CDYL: variants seen among roughly 807,000 people sequenced by gnomAD.
CDYL encodes the protein chromodomain Y-like protein.
Under a neutral mutation model 47.3 loss-of-function variants are expected in CDYL, and 8 were observed. That is an observed-to-expected ratio of 0.17 (90% confidence interval 0.10 to 0.31). CDYL has a LOEUF of 0.31. Among genes scored for constraint, CDYL ranks in the 10% least tolerant of loss-of-function variants. The probability of loss-of-function intolerance (pLI) is 1.00; values close to 1 mark genes in which losing one functional copy is unlikely to be tolerated. For synonymous variants in CDYL, 266 were observed against 265.0 expected (o/e 1.00, Z -0.04); for missense variants, 471 against 701.4 (o/e 0.67, Z 3.71).
At chr6:4,817,877 TG>T (rs1481572732) in intron 1 of CDYL, among the ~76,000 whole-genome samples, 1 of 152,238 alleles carries the variant, frequency 6.6e-6, no homozygotes, top group Non-Finnish European at 1.5e-5. Context: ...GTTTAGGCAT[TG>T]GCACTTCTTG....
chr6:4,732,679 G>T (rs1757626957), intron 2 of CDYL, among the ~76,000 whole-genome samples: 1 of 151,332 alleles, frequency 6.6e-6, no homozygotes, highest in African/African-American at 2.4e-5. Flanking sequence ...AAAAAGAGGG[G>T]GGGATTGGGG....
chr6:4,734,613 A>C (rs1236912115), intron 2 of CDYL: 1 of 1,088,344 alleles, frequency 9.2e-7, no homozygotes, highest in East Asian at 2.7e-5. Flanking sequence ...TGAAAAGGAG[A>C]GACCAGTTTC....
chr6:4,819,156 C>G lies in CDYL; in HGVS notation c.24+42349C>G, dbSNP rs1347082581. Among the ~76,000 whole-genome samples, 1,264 of 131,066 alleles carry G rather than the reference C, an allele frequency of 9.6e-3. 34 individuals carry two copies. The highest frequency in any genetic ancestry group is 0.048 in the African/African-American group (1,194 of 25,084). 86.0% of individuals were successfully genotyped at this position (131,066 alleles called of 152,430 possible). A position where few individuals can be genotyped will look rare whatever the true frequency, so the allele number is the denominator to read the frequency against. ...TCTCTCTCTCTCTCTCTCTCTCTCTCTCTCTCTGTGTGTGTGTGTGTGTGT... is the reference window on the plus strand; with the variant it reads ...TCTCTCTCTCTCTCTCTCTCTCTCTGTCTCTCTGTGTGTGTGTGTGTGTGT... On this transcript the variant is annotated intron_variant, in intron 1 of 6. Transcript: ENST00000397588.
intron 1 of CDYL, among the ~76,000 whole-genome samples, chr6:4,816,848 A>G (rs1759691870): frequency 6.6e-6 from 1 of 152,120 alleles, no homozygotes; most frequent in Non-Finnish European, 1.5e-5. Context: ...TAGTGGGGAA[A>G]TGATAATAAG....
At chr6:4,741,260 G>C (rs997341052) in intron 3 of CDYL, among the ~76,000 whole-genome samples, 1 of 151,434 alleles carries the variant, frequency 6.6e-6, no homozygotes, top group African/African-American at 2.4e-5. Flanking sequence ...CCATGGACCA[G>C]ATGTCAAATC....
intron 5 of CDYL, 61 bp from the exon 6 acceptor site, chr6:4,952,205 T>A: frequency 6.4e-7 from 1 of 1,564,534 alleles, no homozygotes; most frequent in Non-Finnish European, 8.7e-7. Context: ...TTTTAAGGGA[T>A]GGGTCTTCCC....
intron 2 of CDYL, among the ~76,000 whole-genome samples, chr6:4,731,106 C>T (rs12203138): frequency 0.32 from 48,230 of 151,940 alleles, 7,736 homozygotes; most frequent in East Asian, 0.42. Context: ...CTGACTAGTG[C>T]GAATACTCCA....
chr6:4,746,362 A>C (rs1368917246), intron 3 of CDYL, among the ~76,000 whole-genome samples: 34 of 72,508 alleles, frequency 4.7e-4, no homozygotes, highest in African/African-American at 4.0e-3. Flanking sequence ...GACTCTCTCA[A>C]AAAAAAAAAA....
upstream of CDYL, chr6:4,773,004 G>A (rs554648985): frequency 1.0e-5 from 4 of 394,004 alleles, no homozygotes; most frequent in African/African-American, 6.2e-5. This position sits in a 1 kb window ranked among gnomAD's most constrained non-coding sequence, Gnocchi z 4.6. Context: ...ATTGGGAAAA[G>A]AGGAGGATCT....
intron 1 of CDYL, among the ~76,000 whole-genome samples, chr6:4,780,398 G>GCC (rs1212971467): frequency 1.4e-3 from 17 of 12,380 alleles, no homozygotes; most frequent in South Asian, 5.4e-3. Flanking sequence ...CCCCGCCTAC[G>GCC]CCCCCCCCCC....
chr6:4,815,769 T>C (rs973741652), intron 1 of CDYL, among the ~76,000 whole-genome samples: 1 of 151,118 alleles, frequency 6.6e-6, no homozygotes, highest in African/African-American at 2.4e-5. Flanking sequence ...TTCCATATTA[T>C]ATTCAGTGGT....
At chr6:4,877,051 C>G (rs934880960) in intron 1 of CDYL, among the ~76,000 whole-genome samples, 3 of 152,202 alleles carry the variant, frequency 2.0e-5, no homozygotes, top group African/African-American at 4.8e-5. Flanking sequence ...TGGGCCCTCG[C>G]CAGACACTGA....
intron 3 of CDYL, among the ~76,000 whole-genome samples, chr6:4,758,876 T>G (rs1376006382): frequency 6.6e-6 from 1 of 151,940 alleles, no homozygotes; most frequent in Non-Finnish European, 1.5e-5. Context: ...ATGTAATATA[T>G]TTACATATTT....
At chr6:4,860,604 ATATAT>A (rs914225734) in intron 1 of CDYL, among the ~76,000 whole-genome samples, 4 of 131,666 alleles carry the variant, frequency 3.0e-5, no homozygotes, top group Non-Finnish European at 6.0e-5. Flanking sequence ...TATATATCAT[ATATAT>A]TATATTTTGT....
At chr6:4,948,150 G>A (rs937507949) in intron 5 of CDYL, among the ~76,000 whole-genome samples, 5 of 152,170 alleles carry the variant, frequency 3.3e-5, no homozygotes, top group Non-Finnish European at 7.4e-5. Context: ...GGAACATCCC[G>A]TGAATCTCAT....
At chr6:4,916,943 C>T (rs1407950226) in intron 2 of CDYL, among the ~76,000 whole-genome samples, 2 of 152,200 alleles carry the variant, frequency 1.3e-5, no homozygotes, top group Non-Finnish European at 2.9e-5. Context: ...GTCCAGAGCA[C>T]CCTGCCCACC....
At chr6:4,777,696 G>A (rs1045293584) in intron 1 of CDYL, among the ~76,000 whole-genome samples, 6 of 152,162 alleles carry the variant, frequency 3.9e-5, no homozygotes, top group Admixed American at 2.6e-4. Context: ...ATGCGTTTAG[G>A]GACCTGGGTG....
Position 4,935,638 on chromosome 6 carries a change from A to G in CDYL, c.815A>G (p.Lys272Arg). ...GACAGAAGAGACCAGCCTTTTGACA[A>G]GCGATTGCGTTTCAGCGTGAGGCAA... is the stretch of plus-strand genomic sequence containing the variant. The part of the protein sequence containing the change: ...IDDRRDQPFD[K>R]RLRFSVRQTE... The change falls in exon 3 of 7, where the codon AAG (lysine) becomes AGG (arginine). Residue 272 changes from lysine (K) to arginine (R), a missense_variant. Coordinates refer to ENST00000397588, the MANE Select transcript of CDYL (RefSeq NM_004824.4). 4 of 1,614,256 alleles carry G rather than the reference A, an allele frequency of 2.5e-6. No individual in the cohort carries two copies. Among genetic ancestry groups the G allele is most frequent in the Non-Finnish European group, 3.4e-6 (4 of 1,180,042 alleles).
At chr6:4,900,710 A>G (rs918331055) in intron 2 of CDYL, among the ~76,000 whole-genome samples, 75 of 145,792 alleles carry the variant, frequency 5.1e-4, no homozygotes, top group African/African-American at 1.8e-3. Flanking sequence ...TAATTTTAAA[A>G]CAGGAAAACT....
Sources: allele counts gnomAD v4.1 joint callset (sites outside exome capture counted in the v4.1 genomes callset), GRCh38; gene constraint gnomAD v4.1.1; non-coding constraint Gnocchi (gnomAD v3.1); transcripts MANE v1.5; gene names NCBI Gene and HGNC (gene_info 2026-07-23, HGNC 2026-07-21).